Variants in FNDC3A observed in about 807,000 individuals in gnomAD.
The protein encoded by FNDC3A is fibronectin type III domain containing 3A, also known as fibronectin type-III domain-containing protein 3A.
In FNDC3A, 32 loss-of-function variants were observed where a neutral mutation model predicts 148.9. The observed-to-expected ratio is 0.21, with a 90% CI of 0.16 to 0.29. The LOEUF is 0.29. Ranked by LOEUF, FNDC3A falls within the 10% of genes least tolerant of loss-of-function variation. The pLI, the probability that FNDC3A is intolerant of heterozygous loss-of-function variation, is 1.00. For missense variants in FNDC3A, 1,191 were observed against 1,452.8 expected (o/e 0.82, Z 2.93); for synonymous variants, 472 against 473.6 (o/e 1.00, Z 0.04).
upstream of FNDC3A, chr13:48,975,554 A>C (rs1026301019): frequency 4.6e-5 from 7 of 152,382 alleles, no homozygotes; most frequent in African/African-American, 1.7e-4. Context: ...AGGGGCCGAC[A>C]GGGTGCGTCT....
At chr13:49,011,059 A>G (rs1353530331) in intron 2 of FNDC3A, among the ~76,000 whole-genome samples, 3 of 152,022 alleles carry the variant, frequency 2.0e-5, no homozygotes, top group African/African-American at 4.8e-5. Flanking sequence ...CTTGATGACC[A>G]TCTTGGGGGT....
chr13:49,026,585 C>A (rs1873730631), intron 2 of FNDC3A, among the ~76,000 whole-genome samples: 1 of 152,138 alleles, frequency 6.6e-6, no homozygotes, highest in Admixed American at 6.5e-5. Context: ...CTCACTGCAG[C>A]CTCAGTCTCC....
intron 3 of FNDC3A, among the ~76,000 whole-genome samples, chr13:49,112,787 A>G (rs2137871455): frequency 6.6e-6 from 1 of 152,294 alleles, no homozygotes. Flanking sequence ...ACCTGATAGA[A>G]TGATTATGAG....
intron 5 of FNDC3A, among the ~76,000 whole-genome samples, chr13:49,133,145 C>G (rs1239711071): frequency 6.6e-6 from 1 of 152,146 alleles, no homozygotes; most frequent in Admixed American, 6.5e-5. Flanking sequence ...TTCAGTAGCT[C>G]TGGGTAGTGC....
In FNDC3A at chr13:49,114,743, T is replaced by A; in HGVS notation, c.252+12T>A. 3.2e-6 allele frequency: 5 copies of A among 1,563,230 alleles called. No homozygotes were observed. The highest frequency in any genetic ancestry group is 4.4e-6 in the Non-Finnish European group (5 of 1,133,786). Reference sequence around the variant, plus strand: ...GATATGCCCCACAGGTATGTTTTTATGCTATTTTTCTTTTCATATTTGTAT... The same window carrying A: ...GATATGCCCCACAGGTATGTTTTTAAGCTATTTTTCTTTTCATATTTGTAT... On this transcript the variant is annotated intron_variant, in intron 4 of 25. Coordinates refer to ENST00000492622, the MANE Select transcript of FNDC3A (RefSeq NM_001079673.2).
chr13:49,161,139 G>T (rs1290957858), intron 8 of FNDC3A, among the ~76,000 whole-genome samples: 1 of 152,134 alleles, frequency 6.6e-6, no homozygotes, highest in African/African-American at 2.4e-5. Flanking sequence ...ATTAGGTCCA[G>T]TTGGTGCAGA....
At chr13:49,148,253 G>T (rs1461164344) in intron 8 of FNDC3A, among the ~76,000 whole-genome samples, 1 of 152,006 alleles carries the variant, frequency 6.6e-6, no homozygotes, top group African/African-American at 2.4e-5. Context: ...GTTGTTGCCT[G>T]TGCTTTGGGG....
chr13:49,082,231 C>A (rs1359484129), intron 3 of FNDC3A, among the ~76,000 whole-genome samples: 1 of 151,886 alleles, frequency 6.6e-6, no homozygotes, highest in African/African-American at 2.4e-5. Context: ...ATTAAAAATA[C>A]AAAAATTAGC....
chr13:49,066,532 C>T (rs1404905152), intron 2 of FNDC3A, among the ~76,000 whole-genome samples: 2 of 152,186 alleles, frequency 1.3e-5, no homozygotes, highest in East Asian at 1.9e-4. Flanking sequence ...AATCCTTCAA[C>T]AGCCCTGTGG....
At chr13:49,203,670 A>AGGG (rs1168031067) in intron 25 of FNDC3A, among the ~76,000 whole-genome samples, 1 of 152,176 alleles carries the variant, frequency 6.6e-6, no homozygotes, top group Non-Finnish European at 1.5e-5. Flanking sequence ...TAGGGAGTGG[A>AGGG]GGGGGAGGGC....
At chr13:49,089,553 T>C (rs751167058) in intron 3 of FNDC3A, among the ~76,000 whole-genome samples, 2 of 152,210 alleles carry the variant, frequency 1.3e-5, no homozygotes, top group Admixed American at 1.3e-4. Flanking sequence ...AGAGTTTTCT[T>C]GCTGGCTTTG....
At chr13:49,073,827 T>C (rs1411624254) in intron 2 of FNDC3A, among the ~76,000 whole-genome samples, 1 of 146,792 alleles carries the variant, frequency 6.8e-6, no homozygotes, top group Non-Finnish European at 1.5e-5. Context: ...GTGTATATAT[T>C]ATATATATGT....
chr13:49,195,244 C>T (rs1886090034), intron 19 of FNDC3A, among the ~76,000 whole-genome samples: 1 of 152,060 alleles, frequency 6.6e-6, no homozygotes, highest in East Asian at 1.9e-4. Flanking sequence ...CAAAAGGAAA[C>T]ATTTACGTTT....
At chr13:49,184,782 T>TC (rs1319672636) in intron 14 of FNDC3A, among the ~76,000 whole-genome samples, 68 of 151,888 alleles carry the variant, frequency 4.5e-4, no homozygotes, top group South Asian at 4.2e-4. Context: ...TCCCACGACC[T>TC]CCCCCTGTGC....
intron 2 of FNDC3A, among the ~76,000 whole-genome samples, chr13:49,008,732 G>T (rs751714371): frequency 2.0e-5 from 3 of 152,122 alleles, no homozygotes; most frequent in Admixed American, 6.6e-5. Flanking sequence ...ATCACTGCTA[G>T]TGTTGCCTTT....
chr13:49,114,032 A>T (rs1026767854), intron 3 of FNDC3A, among the ~76,000 whole-genome samples: 94 of 151,580 alleles, frequency 6.2e-4, no homozygotes, highest in Middle Eastern at 3.4e-3. Context: ...ACAAAAAAAA[A>T]TTTTTTTTTC....
At chr13:49,024,676 A>T (rs1461306291) in intron 2 of FNDC3A, among the ~76,000 whole-genome samples, 4 of 151,948 alleles carry the variant, frequency 2.6e-5, no homozygotes, top group Admixed American at 1.3e-4. Context: ...TAAATTCAGC[A>T]TCCCTTCATG....
intron 2 of FNDC3A, among the ~76,000 whole-genome samples, chr13:49,017,060 GA>G (rs1469533892): frequency 2.6e-5 from 4 of 152,024 alleles, no homozygotes; most frequent in African/African-American, 4.8e-5. Context: ...GTGTGGTGCT[GA>G]AAAAAATGTA....
At chr13:48,992,237 A>G (rs957721922) in intron 1 of FNDC3A, among the ~76,000 whole-genome samples, 6 of 152,372 alleles carry the variant, frequency 3.9e-5, no homozygotes, top group African/African-American at 1.4e-4. Context: ...GTGACCTTGC[A>G]TTAGGTGATT....
Sources: allele counts gnomAD v4.1 joint callset (sites outside exome capture counted in the v4.1 genomes callset), GRCh38; gene constraint gnomAD v4.1.1; transcripts MANE v1.5; gene names NCBI Gene and HGNC (gene_info 2026-07-23, HGNC 2026-07-21).